Variants in KAZN observed in about 807,000 individuals in gnomAD.
KAZN encodes the protein kazrin.
Under a neutral mutation model 87.4 loss-of-function variants are expected in KAZN, and 40 were observed. The observed-to-expected ratio is 0.46, with a 90% CI of 0.36 to 0.60. The LOEUF (loss-of-function observed/expected upper bound fraction) is 0.60. Ranked by LOEUF, KAZN falls within the 20% of genes least tolerant of loss-of-function variation. The pLI is 0.00. For missense variants in KAZN, 898 were observed against 1,073.9 expected, an observed-to-expected ratio of 0.84 and a Z score of 2.29; for synonymous variants, 466 against 458.3, an observed-to-expected ratio of 1.02 and a Z score of -0.22.
chr1:14,555,580 G>A (rs553501480), intron 2 of KAZN, among the ~76,000 whole-genome samples: 10 of 152,258 alleles, frequency 6.6e-5, no homozygotes, highest in South Asian at 6.2e-4. Context: ...TCAAAATGCC[G>A]TGTAGGAAAG....
intron 1 of KAZN, among the ~76,000 whole-genome samples, chr1:14,872,291 C>T (rs1179552039): frequency 2.0e-5 from 3 of 152,128 alleles, no homozygotes; most frequent in Non-Finnish European, 4.4e-5. Flanking sequence ...ATAGAACTTC[C>T]TAGAACTTTC....
At chr1:13,901,135 C>T (rs964497816) in intron 1 of KAZN, among the ~76,000 whole-genome samples, 2 of 152,032 alleles carry the variant, frequency 1.3e-5, no homozygotes, top group South Asian at 2.1e-4. Flanking sequence ...ATAAAAACAG[C>T]CACCCCCCGT....
chr1:14,353,470 C>CG (rs745651466), intron 2 of KAZN, among the ~76,000 whole-genome samples: 11 of 152,050 alleles, frequency 7.2e-5, no homozygotes, highest in Non-Finnish European at 1.2e-4. Context: ...CCACCCTCCT[C>CG]GGCCTCCCAA....
intron 2 of KAZN, among the ~76,000 whole-genome samples, chr1:14,497,691 T>C (rs1391139420): frequency 6.6e-6 from 1 of 152,220 alleles, no homozygotes; most frequent in African/African-American, 2.4e-5. Flanking sequence ...GAGAACCAGA[T>C]TGTCAACAGA....
At chr1:15,052,530 A>G (rs1355593947) in intron 4 of KAZN, among the ~76,000 whole-genome samples, 1 of 152,038 alleles carries the variant, frequency 6.6e-6, no homozygotes, top group Non-Finnish European at 1.5e-5. Flanking sequence ...AAACCATATC[A>G]GTGCATATAC....
intron 2 of KAZN, among the ~76,000 whole-genome samples, chr1:14,406,762 G>A (rs61771864): frequency 0.066 from 10,064 of 152,254 alleles, 420 homozygotes; most frequent in Non-Finnish European, 0.097. Context: ...GAAACAGCCA[G>A]AATAATATTT....
At chr1:14,104,215 C>G (rs1644321150) in intron 1 of KAZN, among the ~76,000 whole-genome samples, 1 of 152,164 alleles carries the variant, frequency 6.6e-6, no homozygotes, top group Admixed American at 6.5e-5. Context: ...ATGCGTCTCT[C>G]CTTCTTGTGC....
At chr1:13,914,839 T>C (rs1203700) in intron 1 of KAZN, among the ~76,000 whole-genome samples, 126,107 of 152,126 alleles carry the variant, frequency 0.83, 52,918 homozygotes, top group African/African-American at 0.96. Flanking sequence ...GTGAGACAGC[T>C]GCAAGGAAAT....
intron 1 of KAZN, among the ~76,000 whole-genome samples, chr1:14,680,957 G>C (rs981034428): frequency 6.6e-6 from 1 of 152,196 alleles, no homozygotes; most frequent in Non-Finnish European, 1.5e-5. Context: ...GAGGGCCTCA[G>C]GTAGCTTACA....
At chr1:14,381,228 A>G (rs1370783086) in intron 2 of KAZN, among the ~76,000 whole-genome samples, 2 of 152,224 alleles carry the variant, frequency 1.3e-5, no homozygotes, top group East Asian at 1.9e-4. Context: ...ATATATGTGC[A>G]CCCAACACTG....
At chr1:13,957,891 G>A (rs1641604239) in intron 1 of KAZN, among the ~76,000 whole-genome samples, 1 of 152,146 alleles carries the variant, frequency 6.6e-6, no homozygotes, top group Non-Finnish European at 1.5e-5. Context: ...CCAAACCACA[G>A]CACTTTGTTT....
intron 1 of KAZN, among the ~76,000 whole-genome samples, chr1:14,889,752 G>A (rs775789876): frequency 5.9e-5 from 9 of 152,154 alleles, no homozygotes; most frequent in Non-Finnish European, 1.3e-4. Flanking sequence ...AATGTTTCAC[G>A]ATGTGAAATT....
rs111961481 is a variant in KAZN at position 14,201,486 on chromosome 1, G to A, written c.249+20894G>A. ...GGTGGAGCCTGGCGGCTGCTCCCCA[G>A]GTCAAACCACCTACCCCCACTTTCA... is the stretch of plus-strand genomic sequence containing the variant. On this transcript the variant is annotated intron_variant, in intron 2 of 16. Transcript: ENST00000636203. 8.0e-4 allele frequency among the ~76,000 whole-genome samples: 122 copies of A among 152,262 alleles called. 1 individual carries two copies. Among genetic ancestry groups the A allele is most frequent in the African/African-American group, 2.8e-3 (117 of 41,554 alleles).
intron 2 of KAZN, among the ~76,000 whole-genome samples, chr1:14,524,152 G>A (rs956155376): frequency 6.6e-6 from 1 of 152,082 alleles, no homozygotes; most frequent in African/African-American, 2.4e-5. Context: ...CTCCCGAGTA[G>A]CTGGGATTAC....
intron 2 of KAZN, among the ~76,000 whole-genome samples, chr1:14,291,941 T>G (rs1189376692): frequency 2.0e-5 from 3 of 152,220 alleles, no homozygotes; most frequent in Non-Finnish European, 4.4e-5. Flanking sequence ...GTAAGTTTCC[T>G]GAGGCCTCCT....
Position 15,102,244 on chromosome 1 carries a change from T to TA in KAZN, c.1779+479dup, listed in dbSNP as rs568438633. On this transcript the variant is annotated intron_variant, in intron 11 of 14. Transcript: ENST00000376030. Reference sequence around the variant, plus strand: ...AAAAATTTTTAAGTGTTTGCTATTTTAAAAAAAAAGAAAAAAAGAAAACCC... The same window carrying TA: ...AAAAATTTTTAAGTGTTTGCTATTTTAAAAAAAAAAGAAAAAAAGAAAACCC... Among the ~76,000 whole-genome samples the TA allele has an allele frequency of 1.1e-3, 173 of 151,116 alleles. 5 individuals carry two copies. In the South Asian group the frequency reaches 0.026, roughly 23 times the overall value.
At chr1:14,229,866 G>T (rs1400105784) in intron 2 of KAZN, among the ~76,000 whole-genome samples, 1 of 152,258 alleles carries the variant, frequency 6.6e-6, no homozygotes, top group East Asian at 1.9e-4. Context: ...AAGGAGCCCT[G>T]TGGCTCATTT....
chr1:14,681,528 T>C (rs1640570899), intron 1 of KAZN, among the ~76,000 whole-genome samples: 1 of 148,238 alleles, frequency 6.7e-6, no homozygotes, highest in African/African-American at 2.5e-5. Context: ...GAAAGTGGCA[T>C]TTGCAGTTGC....
intron 1 of KAZN, among the ~76,000 whole-genome samples, chr1:13,993,007 A>G (rs1056255944): frequency 2.6e-5 from 4 of 152,206 alleles, no homozygotes; most frequent in African/African-American, 7.2e-5. Context: ...CTGGTGGACC[A>G]AATATTTCAT....
Sources: allele counts gnomAD v4.1 joint callset (sites outside exome capture counted in the v4.1 genomes callset), GRCh38; gene constraint gnomAD v4.1.1; transcripts MANE v1.5; gene names NCBI Gene and HGNC (gene_info 2026-07-23, HGNC 2026-07-21).